Variants in CYYR1 observed in about 807,000 individuals in gnomAD.
CYYR1 encodes cysteine and tyrosine rich 1.
Under a neutral mutation model 15.2 loss-of-function variants are expected in CYYR1, and 14 were observed. The ratio of observed to expected loss-of-function variants is 0.92; its 90% CI spans 0.61 to 1.44. The LOEUF is 1.44. Among genes scored for constraint, CYYR1 ranks in the 40% most tolerant of loss-of-function variants. CYYR1 has a pLI of 0.00. For missense variants in CYYR1, 228 were observed against 209.5 expected, an observed-to-expected ratio of 1.09 and a Z score of -0.54; for synonymous variants, 80 against 77.4, an observed-to-expected ratio of 1.03 and a Z score of -0.18.
At chr21:26,484,366 AC>A (rs1569142289) in intron 2 of CYYR1, among the ~76,000 whole-genome samples, 1 of 152,064 alleles carries the variant, frequency 6.6e-6, no homozygotes, top group African/African-American at 2.4e-5. Context: ...ACTTTTCCCC[AC>A]CTACATACAA....
chr21:26,482,381 C>T lies in CYYR1; in HGVS notation c.177-1952G>A, dbSNP rs542223406. The T allele has an allele frequency of 4.1e-6, 4 of 985,284 alleles. No homozygotes were observed. The South Asian group carries it at 1.9e-4, about 46-fold the overall frequency. The allele number at this position is 985,284 out of a possible 1,614,324, so 61.0% of individuals were successfully genotyped here. A position where few individuals can be genotyped will look rare whatever the true frequency, so the allele number is the denominator to read the frequency against. The stretch of plus-strand genomic sequence containing the variant: ...ACATTATCAGTAGCTTTTTCATACT[C>T]AAACATAGTAAAATAGCTTATCAGT... On this transcript the variant is annotated intron_variant, in intron 2 of 3. Coordinates refer to ENST00000652641, the MANE Select transcript of CYYR1 (RefSeq NM_001320768.2).
chr21:26,509,905 C>G (rs1424424331), intron 2 of CYYR1, among the ~76,000 whole-genome samples: 3 of 152,146 alleles, frequency 2.0e-5, no homozygotes, highest in Non-Finnish European at 4.4e-5. Flanking sequence ...GGAGAGGAGA[C>G]TTGGCTATTG....
intron 2 of CYYR1, among the ~76,000 whole-genome samples, chr21:26,498,554 G>A (rs117767387): frequency 0.024 from 3,700 of 152,266 alleles, 50 homozygotes; most frequent in Non-Finnish European, 0.037. Context: ...GGAGAATTAA[G>A]TCTAGCTTGT....
intron 3 of CYYR1, chr21:26,477,700 T>A: frequency 1.0e-6 from 1 of 960,898 alleles, no homozygotes; most frequent in Non-Finnish European, 1.2e-6. Flanking sequence ...ATCAAGCTAA[T>A]GAGTATCTAG....
chr21:26,570,347 C>T (rs1980931165), intron 1 of CYYR1, among the ~76,000 whole-genome samples: 1 of 152,158 alleles, frequency 6.6e-6, no homozygotes, highest in African/African-American at 2.4e-5. Flanking sequence ...TTAAGGAATG[C>T]GCAGAACAGG....
intron 1 of CYYR1, among the ~76,000 whole-genome samples, chr21:26,570,210 T>G (rs9989934): frequency 0.082 from 12,444 of 152,178 alleles, 1,722 homozygotes; most frequent in African/African-American, 0.28. Flanking sequence ...TTACTTCTAA[T>G]GTCCAAGTTA....
rs191212663 is a variant in CYYR1 at position 26,541,579 on chromosome 21, T to G, written c.176+24687A>C. The stretch of plus-strand genomic sequence containing the variant: ...TCAGATGAACAGAAACAGTGGTAAC[T>G]CTTCTCAAGTAGACTTGCCCTACAA... On this transcript the variant is annotated intron_variant, in intron 2 of 3. Transcript: ENST00000652641. 1.3e-3 allele frequency among the ~76,000 whole-genome samples: 200 copies of G among 152,314 alleles called. 1 individual carries two copies. The highest frequency in any genetic ancestry group is 2.3e-3 in the Admixed American group (35 of 15,300).
At chr21:26,566,391 G>A (rs764812070) in intron 1 of CYYR1, 23 bp from the exon 2 acceptor site, 41 of 1,564,662 alleles carry the variant, frequency 2.6e-5, no homozygotes, top group Non-Finnish European at 3.4e-5. Flanking sequence ...AACCACTTGT[G>A]AGCAGTTATA....
At chr21:26,529,058 T>C (rs1231361832) in intron 2 of CYYR1, among the ~76,000 whole-genome samples, 2 of 152,214 alleles carry the variant, frequency 1.3e-5, no homozygotes, top group Admixed American at 1.3e-4. Context: ...TGATGACTCT[T>C]ACACTGATAC....
In CYYR1 at chr21:26,572,904, A is replaced by G; in HGVS notation, c.37T>C (p.Leu13=). The G allele has an allele frequency of 6.2e-7, 1 of 1,614,076 alleles. No individual in the cohort carries two copies. The highest frequency in any genetic ancestry group is 1.1e-5 in the South Asian group (1 of 91,088). The part of the protein sequence containing the change: ...APRLPVRPGV[L]LPKLVLLFVY... ...AAGAGCAGGACCAACTTCGGAAGCA[A>G]GACCCCTGGACGCACGGGTAGCCTC... Residue 13 remains leucine, a synonymous_variant, in exon 1 of 4, where the codon TTG becomes CTG. Transcript: ENST00000652641.
At chr21:26,540,736 A>T (rs893419637) in intron 2 of CYYR1, among the ~76,000 whole-genome samples, 5 of 149,542 alleles carry the variant, frequency 3.3e-5, no homozygotes, top group Non-Finnish European at 4.4e-5. Context: ...GTATTCTTTT[A>T]AAAAAAAATG....
chr21:26,548,902 A>C (rs1979174106), intron 2 of CYYR1, among the ~76,000 whole-genome samples: 1 of 152,258 alleles, frequency 6.6e-6, no homozygotes, highest in Non-Finnish European at 1.5e-5. Flanking sequence ...CTGAATAGAC[A>C]TAATTAAGGT....
Position 26,572,892 on chromosome 21 carries a change from A to G in CYYR1, c.49T>C (p.Leu17=), listed in dbSNP as rs772794233. Residue 17 remains leucine (L), a synonymous_variant, in exon 1 of 4, where the codon TTG becomes CTG. Coordinates refer to ENST00000652641, the MANE Select transcript of CYYR1 (RefSeq NM_001320768.2). ...PVRPGVLLPK[L]VLLFVYADDC... ...CCTGCGTAGACAAAGAGCAGGACCA[A>G]CTTCGGAAGCAAGACCCCTGGACGC... The G allele has an allele frequency of 1.2e-6, 2 of 1,614,046 alleles. No homozygotes were observed. Among genetic ancestry groups the G allele is most frequent in the Admixed American group, 3.3e-5 (2 of 60,022 alleles).
chr21:26,545,936 C>T (rs777183267), intron 2 of CYYR1, among the ~76,000 whole-genome samples: 7 of 152,190 alleles, frequency 4.6e-5, no homozygotes, highest in Middle Eastern at 3.4e-3. Context: ...TAATTAAGCA[C>T]GTAAATATGG....
At chr21:26,501,552 A>G (rs1023363505) in intron 2 of CYYR1, among the ~76,000 whole-genome samples, 11 of 152,238 alleles carry the variant, frequency 7.2e-5, no homozygotes, top group African/African-American at 2.2e-4. Context: ...GGTCTGTAAC[A>G]TGGTAAACAC....
intron 2 of CYYR1, 102 bp from the exon 3 acceptor site, chr21:26,480,531 G>T (rs1305547997): frequency 1.6e-5 from 19 of 1,221,630 alleles, no homozygotes; most frequent in South Asian, 8.9e-5. Flanking sequence ...TCTTACAAAT[G>T]TTCTTAAGGA....
At position 26,527,552 on chromosome 21, in the gene CYYR1, A is replaced by C. The variant is rs568178230; in HGVS notation, c.176+38714T>G. The stretch of plus-strand genomic sequence containing the variant: ...ATTATATGGACAATTATTATTGAAA[A>C]TATGTGTTTTTATCATCCAGTAAAA... On this transcript the variant is annotated intron_variant, in intron 2 of 3. Coordinates refer to ENST00000652641, the MANE Select transcript of CYYR1 (RefSeq NM_001320768.2). Among the ~76,000 whole-genome samples the C allele has an allele frequency of 3.3e-5, 5 of 152,276 alleles. No individual in the cohort carries two copies. In the South Asian group the frequency reaches 1.0e-3, roughly 32 times the overall value.
At chr21:26,500,799 G>A (rs1044078044) in intron 2 of CYYR1, among the ~76,000 whole-genome samples, 5 of 152,144 alleles carry the variant, frequency 3.3e-5, no homozygotes, top group Admixed American at 6.5e-5. Context: ...CTTGCATGAA[G>A]TCTAAGATGT....
At chr21:26,480,017 A>T (rs1010916072) in intron 3 of CYYR1, among the ~76,000 whole-genome samples, 1 of 152,158 alleles carries the variant, frequency 6.6e-6, no homozygotes, top group Admixed American at 6.5e-5. Context: ...ATTTGTCTTA[A>T]TTCTGGCTGA....
Sources: gnomAD v4.1 joint callset for allele counts (sites outside exome capture counted in the v4.1 genomes callset) on GRCh38, gnomAD v4.1.1 for gene constraint, MANE v1.5 for transcripts, NCBI Gene and HGNC (gene_info 2026-07-23, HGNC 2026-07-21) for gene names.